Variants in TTC29 observed in about 807,000 individuals in gnomAD.
TTC29 encodes tetratricopeptide repeat domain 29.
In TTC29, 49 loss-of-function variants were observed where a neutral mutation model predicts 58.1. The observed-to-expected ratio is 0.84, with a 90% confidence interval of 0.67 to 1.07. TTC29 has a LOEUF of 1.07. Ranked by LOEUF, TTC29 falls within the 50% of genes least tolerant of loss-of-function variation. The pLI, the probability that TTC29 is intolerant of heterozygous loss-of-function variation, is 0.00. For synonymous variants in TTC29, 209 were observed against 196.8 expected, an observed-to-expected ratio of 1.06 and a Z score of -0.52; for missense variants, 582 against 555.6, an observed-to-expected ratio of 1.05 and a Z score of -0.48.
At chr4:146,780,286 A>G (rs926544030) in intron 11 of TTC29, among the ~76,000 whole-genome samples, 2 of 128,222 alleles carry the variant, frequency 1.6e-5, no homozygotes, top group Non-Finnish European at 3.3e-5. Context: ...TTTCTGAATG[A>G]GTCTTCCTAA....
intron 8 of TTC29, among the ~76,000 whole-genome samples, chr4:146,843,568 C>T (rs1238375324): frequency 1.3e-5 from 2 of 152,222 alleles, no homozygotes; most frequent in Admixed American, 1.3e-4. Flanking sequence ...AGTTTCTCTT[C>T]TGCCATGAGC....
At chr4:146,921,062 T>C (rs192238189) in intron 4 of TTC29, among the ~76,000 whole-genome samples, 37 of 151,580 alleles carry the variant, frequency 2.4e-4, no homozygotes, top group Admixed American at 3.9e-4. Context: ...GTCATGTAAA[T>C]AAATCTTTCA....
chr4:146,872,596 G>A (rs547206534), intron 7 of TTC29, among the ~76,000 whole-genome samples: 74 of 151,834 alleles, frequency 4.9e-4, no homozygotes, highest in African/African-American at 1.7e-3. Flanking sequence ...AACGTCTGCC[G>A]AGAAGATATA....
chr4:146,876,876 T>G (rs1364834592), intron 6 of TTC29, among the ~76,000 whole-genome samples: 2 of 135,104 alleles, frequency 1.5e-5, no homozygotes, highest in East Asian at 4.4e-4. Context: ...GTGGAGATTG[T>G]GGTGAGCCGA....
intron 4 of TTC29, among the ~76,000 whole-genome samples, chr4:146,914,011 C>T (rs1034237869): frequency 7.2e-5 from 11 of 152,078 alleles, no homozygotes; most frequent in African/African-American, 1.9e-4. Context: ...TACACACATG[C>T]GCACATACCT....
intron 10 of TTC29, among the ~76,000 whole-genome samples, chr4:146,810,258 C>T (rs1389664846): frequency 1.3e-5 from 2 of 151,872 alleles, no homozygotes; most frequent in African/African-American, 4.8e-5. Context: ...CTGTTGGGGA[C>T]TGGGGGACTA....
intron 6 of TTC29, among the ~76,000 whole-genome samples, chr4:146,894,014 A>G (rs1356522460): frequency 2.0e-5 from 3 of 152,172 alleles, no homozygotes; most frequent in Non-Finnish European, 4.4e-5. Context: ...GGCAATCATT[A>G]AAAAGTCAGG....
chr4:146,860,790 T>C (rs1329640384), intron 8 of TTC29, among the ~76,000 whole-genome samples: 1 of 152,192 alleles, frequency 6.6e-6, no homozygotes, highest in Non-Finnish European at 1.5e-5. Flanking sequence ...CTATTTTGTA[T>C]TACTTATTTG....
intron 4 of TTC29, among the ~76,000 whole-genome samples, chr4:146,933,065 A>T (rs570813920): frequency 5.8e-4 from 88 of 152,082 alleles, no homozygotes; most frequent in African/African-American, 1.8e-3. Flanking sequence ...CTCAAAAAAA[A>T]AAAAAAGATA....
At chr4:146,758,195 T>A (rs187224665) in intron 11 of TTC29, among the ~76,000 whole-genome samples, 7 of 152,270 alleles carry the variant, frequency 4.6e-5, no homozygotes, top group African/African-American at 1.7e-4. Flanking sequence ...GCTATTCTGA[T>A]ATCAGACAAA....
chr4:146,754,621 CA>C (rs1746291836), intron 11 of TTC29, among the ~76,000 whole-genome samples: 1 of 152,192 alleles, frequency 6.6e-6, no homozygotes, highest in South Asian at 2.1e-4. Context: ...TTAACATATG[CA>C]AATCAATCAA....
chr4:146,936,156 T>C (rs1298000267), intron 4 of TTC29, among the ~76,000 whole-genome samples: 1 of 152,164 alleles, frequency 6.6e-6, no homozygotes, highest in Non-Finnish European at 1.5e-5. Context: ...CTGTTGTCAA[T>C]AGTGTAATGA....
At chr4:146,934,286 T>C (rs1335884702) in intron 4 of TTC29, 1 of 151,918 alleles carries the variant, frequency 6.6e-6, no homozygotes, top group African/African-American at 2.4e-5. Flanking sequence ...CATTTTGGAG[T>C]TGTAGCTGAT....
intron 8 of TTC29, among the ~76,000 whole-genome samples, chr4:146,842,063 T>TG (rs930703816): frequency 9.2e-4 from 140 of 152,142 alleles, no homozygotes; most frequent in African/African-American, 2.8e-3. Flanking sequence ...CTATAATTAT[T>TG]GGGGGGGTGC....
At chr4:146,739,579 T>A (rs1394883117) in intron 11 of TTC29, among the ~76,000 whole-genome samples, 1 of 152,280 alleles carries the variant, frequency 6.6e-6, no homozygotes, top group East Asian at 1.9e-4. Context: ...AGAGTAAATG[T>A]TTAGTAAATA....
intron 9 of TTC29, 86 bp from the exon 10 acceptor site, chr4:146,820,334 GA>G: frequency 7.2e-7 from 1 of 1,391,490 alleles, no homozygotes; most frequent in Non-Finnish European, 9.7e-7. Context: ...CTTTGCTGTA[GA>G]AAATGCAAGA....
chr4:146,874,769 T>G lies in TTC29; in HGVS notation c.746A>C (p.Glu249Ala), dbSNP rs767010316. 3.1e-6 allele frequency: 5 copies of G among 1,610,058 alleles called. No individual in the cohort carries two copies. Among genetic ancestry groups the G allele is most frequent in the Middle Eastern group, 1.9e-4 (1 of 5,328 alleles). Reference protein sequence around the residue: ...LLSDKMLENKEYKQAIKILIK... With the variant: ...LLSDKMLENKAYKQAIKILIK... ...TAGAATTTTGATGGCCTGTTTGTAT[T>G]CTTTATTTTCTAGCATTTTGTCTGA... Residue 249 changes from glutamate (E) to alanine (A), a missense_variant, in exon 7 of 13, where the codon GAA becomes GCA. Glu to Ala is a moderately radical substitution (Grantham distance 107). Transcript: ENST00000325106.
At chr4:146,921,995 C>A (rs1734611400) in intron 4 of TTC29, among the ~76,000 whole-genome samples, 3 of 131,762 alleles carry the variant, frequency 2.3e-5, no homozygotes, top group Admixed American at 8.1e-5. Context: ...ATTTACTTCC[C>A]AATCCTGGAT....
chr4:146,915,706 T>C (rs1192278116), intron 4 of TTC29, among the ~76,000 whole-genome samples: 2 of 152,044 alleles, frequency 1.3e-5, no homozygotes. Flanking sequence ...GTATAAGTTA[T>C]TAGGTGAATT....
Sources: gnomAD v4.1 joint callset for allele counts (sites outside exome capture counted in the v4.1 genomes callset) on GRCh38, gnomAD v4.1.1 for gene constraint, MANE v1.5 for transcripts, NCBI Gene and HGNC (gene_info 2026-07-23, HGNC 2026-07-21) for gene names.